The following SRP68 variants were observed in gnomAD, a reference collection of about 807,000 sequenced individuals.
The protein encoded by SRP68 is signal recognition particle subunit SRP68.
Under a neutral mutation model 82.2 loss-of-function variants are expected in SRP68, and 15 were observed. The ratio of observed to expected loss-of-function variants is 0.18; its 90% CI spans 0.12 to 0.28. The LOEUF (loss-of-function observed/expected upper bound fraction) is 0.28. Among genes scored for constraint, SRP68 ranks in the 10% least tolerant of loss-of-function variants. The probability of loss-of-function intolerance (pLI) is 1.00; values close to 1 mark genes in which losing one functional copy is unlikely to be tolerated. For missense variants in SRP68, 595 were observed against 780.5 expected, an observed-to-expected ratio of 0.76 and a Z score of 2.83; for synonymous variants, 261 against 292.6, an observed-to-expected ratio of 0.89 and a Z score of 1.10.
chr17:76,054,938 T>C (rs772764217), intron 8 of SRP68, among the ~76,000 whole-genome samples: 52 of 152,074 alleles, frequency 3.4e-4, no homozygotes, highest in African/African-American at 8.9e-4. Context: ...TGAAGGCATA[T>C]AGGAAGTGAG....
rs1164988038 is a variant in SRP68 at position 76,049,050 on chromosome 17, T to C, written c.1078-1080A>G. The C allele has an allele frequency of 5.9e-5, 9 of 152,334 alleles. No individual in the cohort carries two copies. In the East Asian group the frequency reaches 1.7e-3, roughly 29 times the overall value. The allele number at this position is 152,334 out of a possible 1,614,324, so 9.4% of individuals were successfully genotyped here. ...CAGATGCTGAAAAAAAAATAGTTGCTAGGCAACGAAGTTATTGTTGTTTAA... is the reference window on the plus strand; with the variant it reads ...CAGATGCTGAAAAAAAAATAGTTGCCAGGCAACGAAGTTATTGTTGTTTAA... On this transcript the variant is annotated intron_variant, in intron 9 of 15. Coordinates refer to ENST00000307877, the MANE Select transcript of SRP68 (RefSeq NM_014230.4).
chr17:76,070,735 G>A (rs146349215), intron 1 of SRP68, among the ~76,000 whole-genome samples: 8 of 151,510 alleles, frequency 5.3e-5, no homozygotes, highest in African/African-American at 1.9e-4. Context: ...CCAGCTACTC[G>A]GGAGGCTGAG....
At position 76,039,494 on chromosome 17, in the gene SRP68, T is replaced by G. The variant is rs1047871677; in HGVS notation, c.*212A>C. 3.2e-5 allele frequency: 21 copies of G among 651,662 alleles called. No homozygotes were observed. The highest frequency in any genetic ancestry group is 5.5e-5 in the Non-Finnish European group (20 of 360,744). The allele number at this position is 651,662 out of a possible 1,614,324, so 40.4% of individuals were successfully genotyped here. On this transcript the variant is annotated 3_prime_UTR_variant, in exon 16 of 16. Coordinates refer to ENST00000307877, the MANE Select transcript of SRP68 (RefSeq NM_014230.4). ...GGAGGTACAGGAGACAGGATGACCCTGCACACATTTACCAGAAGACAACAG... is the reference window on the plus strand; with the variant it reads ...GGAGGTACAGGAGACAGGATGACCCGGCACACATTTACCAGAAGACAACAG...
At chr17:76,046,275 A>C in intron 10 of SRP68, 81 bp from the exon 11 acceptor site, 11 of 1,471,458 alleles carry the variant, frequency 7.5e-6, no homozygotes, top group Non-Finnish European at 9.4e-6. Context: ...GTTGGGGCTG[A>C]CCCAGAGGAA....
At chr17:76,067,087 A>G (rs975403964) in intron 3 of SRP68, 130 bp downstream of exon 3, 8 of 715,094 alleles carry the variant, frequency 1.1e-5, no homozygotes, top group African/African-American at 1.1e-4. Flanking sequence ...CTTGCCTTAG[A>G]ACACAGGAAT....
intron 3 of SRP68, among the ~76,000 whole-genome samples, chr17:76,064,812 G>A (rs1292790020): frequency 1.0e-4 from 14 of 139,640 alleles, no homozygotes; most frequent in Non-Finnish European, 2.0e-4. Flanking sequence ...CTATACTCTC[G>A]TTTGGGCAAC....
Position 76,072,231 on chromosome 17 carries a change from C to A in SRP68, c.184+77G>T. The A allele has an allele frequency of 6.3e-7, 1 of 1,596,542 alleles. No individual in the cohort carries two copies. Among genetic ancestry groups the A allele is most frequent in the South Asian group, 1.1e-5 (1 of 89,068 alleles). ...CCTCTCCTGCCAGGACTTGTCGGGA[C>A]CCGCCGCCTCTCCCGCCCCCAGCCC... On this transcript the variant is annotated intron_variant, in intron 1 of 15. Transcript: ENST00000307877. This position sits in a 1 kb window ranked among gnomAD's most constrained non-coding sequence, Gnocchi z 4.5.
At chr17:76,064,389 C>G (rs1371904005) in intron 3 of SRP68, among the ~76,000 whole-genome samples, 1 of 152,192 alleles carries the variant, frequency 6.6e-6, no homozygotes, top group East Asian at 1.9e-4. Flanking sequence ...CTAGACACAT[C>G]TCATTGAAAA....
At chr17:76,063,127 C>T (rs1281194190) in intron 4 of SRP68, among the ~76,000 whole-genome samples, 1 of 151,836 alleles carries the variant, frequency 6.6e-6, no homozygotes, top group Non-Finnish European at 1.5e-5. Context: ...CGTATTTAAC[C>T]AATAAAATGT....
intron 9 of SRP68, 104 bp from the exon 10 acceptor site, chr17:76,048,074 C>A: frequency 1.8e-6 from 1 of 550,370 alleles, no homozygotes; most frequent in Non-Finnish European, 3.1e-6. Context: ...AACATAGACA[C>A]AAACTCTAGT....
intron 4 of SRP68, among the ~76,000 whole-genome samples, chr17:76,063,058 C>G (rs1232776258): frequency 6.6e-6 from 1 of 151,630 alleles, no homozygotes; most frequent in Non-Finnish European, 1.5e-5. Flanking sequence ...GCGTGAGCCA[C>G]CACGCCCGGC....
Position 76,062,685 on chromosome 17 carries a change from A to T in SRP68, c.562-1111T>A, listed in dbSNP as rs1472318407. 2.4e-4 allele frequency among the ~76,000 whole-genome samples: 6 copies of T among 25,006 alleles called. 1 individual carries two copies. In the African/African-American group the frequency reaches 5.1e-3, roughly 21 times the overall value. 16.4% of individuals were successfully genotyped at this position (25,006 alleles called of 152,430 possible). On this transcript the variant is annotated intron_variant, in intron 4 of 15. Coordinates refer to ENST00000307877, the MANE Select transcript of SRP68 (RefSeq NM_014230.4). ...TATAATATACATTATATAATATATA[A>T]TATACATTATATATTGTATATTATA...
rs575445546 is a variant in SRP68, at chr17:76,050,287, C to T, written c.1077+141G>A. On this transcript the variant is annotated intron_variant, in intron 9 of 15. Coordinates refer to ENST00000307877, the MANE Select transcript of SRP68 (RefSeq NM_014230.4). ...CCAGAGGCCCTTGTTTGCTCCCTTA[C>T]GACCTCACCTCAAAAAAACAAAAAC... The T allele has an allele frequency of 8.4e-4, 504 of 601,572 alleles. 6 individuals carry two copies. The highest frequency in any genetic ancestry group is 7.2e-3 in the South Asian group (374 of 52,160). The allele number at this position is 601,572 out of a possible 1,614,324, so 37.3% of individuals were successfully genotyped here.
In SRP68 at chr17:76,064,097, G is replaced by A; in HGVS notation, c.440C>T (p.Thr147Ile). The stretch of plus-strand genomic sequence containing the variant: ...CAAGTGAAACCGTTTTCGGGGTTCA[G>A]TGTTGGCTTCCTGTTTCAGCTGCAT... ...YAMQLKQEAN[T>I]EPRKRFHLLS... Residue 147 changes from threonine to isoleucine, a missense_variant, in exon 4 of 16, where the codon ACT becomes ATT. By Grantham distance (89) the Thr-to-Ile change is moderately conservative (BLOSUM62 -1). This residue lies in a region of SRP68 where 495 missense variants were observed against 688.6 expected (regional missense o/e 0.72). Coordinates refer to ENST00000307877, the MANE Select transcript of SRP68 (RefSeq NM_014230.4). 1 of 1,614,234 alleles carries A rather than the reference G, an allele frequency of 6.2e-7. No homozygotes were observed. Among genetic ancestry groups the A allele is most frequent in the Non-Finnish European group, 8.5e-7 (1 of 1,180,050 alleles).
At chr17:76,066,463 A>AAAT (rs1555629864) in intron 3 of SRP68, among the ~76,000 whole-genome samples, 2 of 149,046 alleles carry the variant, frequency 1.3e-5, no homozygotes, top group African/African-American at 5.0e-5. Flanking sequence ...AAAAAAAAAA[A>AAAT]ACACACCACT....
chr17:76,070,004 G>C (rs906490764), intron 2 of SRP68, among the ~76,000 whole-genome samples: 2 of 151,792 alleles, frequency 1.3e-5, no homozygotes, highest in Admixed American at 1.3e-4. Flanking sequence ...CTGAACCCGG[G>C]AGGCATGGGC....
chr17:76,058,432 T>A (rs951592573), intron 7 of SRP68, among the ~76,000 whole-genome samples: 2 of 151,808 alleles, frequency 1.3e-5, no homozygotes, highest in African/African-American at 2.4e-5. Context: ...CTGAAAAAAA[T>A]TTTTTTTGTA....
chr17:76,062,815 G>C (rs2066777459), intron 4 of SRP68, among the ~76,000 whole-genome samples: 1 of 125,720 alleles, frequency 8.0e-6, no homozygotes, highest in Admixed American at 9.6e-5. Flanking sequence ...CTGTCCCCCA[G>C]GCTGGAGCGC....
intron 3 of SRP68, among the ~76,000 whole-genome samples, chr17:76,066,752 A>C (rs1278257794): frequency 6.8e-6 from 1 of 147,492 alleles, no homozygotes; most frequent in African/African-American, 2.5e-5. Flanking sequence ...TTTGAGATGG[A>C]GTGTCACTCT....
Sources: gnomAD v4.1 joint callset for allele counts (sites outside exome capture counted in the v4.1 genomes callset) on GRCh38, gnomAD v4.1.1 for gene constraint, gnomAD v4.1.1 regional missense constraint, Gnocchi (gnomAD v3.1) non-coding constraint, MANE v1.5 for transcripts, NCBI Gene and HGNC (gene_info 2026-07-23, HGNC 2026-07-21) for gene names.